CYTH3: variants seen among roughly 807,000 people sequenced by gnomAD.
CYTH3 encodes the protein cytohesin-3.
A neutral mutation model predicts 55.1 loss-of-function variants in CYTH3; 23 were observed. The ratio of observed to expected loss-of-function variants is 0.42; its 90% CI spans 0.30 to 0.59. The LOEUF is 0.59. Among genes scored for constraint, CYTH3 ranks in the 20% least tolerant of loss-of-function variants. CYTH3 has a pLI of 0.20. For missense variants in CYTH3, 413 were observed against 524.8 expected, an observed-to-expected ratio of 0.79 and a Z score of 2.08; for synonymous variants, 249 against 194.9, an observed-to-expected ratio of 1.28 and a Z score of -2.31.
At chr7:6,168,594 C>G (rs2128536588) in intron 9 of CYTH3, among the ~76,000 whole-genome samples, 1 of 152,332 alleles carries the variant, frequency 6.6e-6, no homozygotes, top group Admixed American at 6.5e-5. Flanking sequence ...GGCCGCCCAC[C>G]ACACTGAGGC....
At chr7:6,216,861 GAA>G (rs71549612) in intron 1 of CYTH3, among the ~76,000 whole-genome samples, 29 of 95,618 alleles carry the variant, frequency 3.0e-4, no homozygotes, top group African/African-American at 7.1e-4. Context: ...AGCTGAACAG[GAA>G]AAAAAAAAAA....
intron 1 of CYTH3, among the ~76,000 whole-genome samples, chr7:6,266,103 C>T (rs914803858): frequency 6.6e-6 from 1 of 152,110 alleles, no homozygotes. Context: ...ACCACCCTAA[C>T]CCACCAAGCC....
intron 1 of CYTH3, among the ~76,000 whole-genome samples, chr7:6,201,979 A>C (rs1784067778): frequency 6.6e-6 from 1 of 152,242 alleles, no homozygotes; most frequent in Non-Finnish European, 1.5e-5. Context: ...CAGGAAAAAA[A>C]ATCCAAATAT....
intron 1 of CYTH3, among the ~76,000 whole-genome samples, chr7:6,197,607 C>G (rs575676280): frequency 6.6e-6 from 1 of 152,156 alleles, no homozygotes; most frequent in East Asian, 1.9e-4. Context: ...TGCTTGAACC[C>G]AAGAGGGGGA....
rs980664459 is a variant in CYTH3 at position 6,187,180 on chromosome 7, C to T, written c.183-64G>A. ...TTTCACAATGCAGCCCAGTCACGGC[C>T]CTCCAGTGTACTTTCCCCCGCAACA... On this transcript the variant is annotated intron_variant, in intron 3 of 12. Transcript: ENST00000350796. 14 of 1,529,452 alleles carry T rather than the reference C, an allele frequency of 9.2e-6. No individual in the cohort carries two copies. The African/African-American group carries it at 1.8e-4, about 19-fold the overall frequency. The allele number at this position is 1,529,452 out of a possible 1,614,324, so 94.7% of individuals were successfully genotyped here. A position where few individuals can be genotyped will look rare whatever the true frequency, so the allele number is the denominator to read the frequency against.
rs1265655054 is a variant in CYTH3 at position 6,229,579 on chromosome 7, G to A, written c.35-39048C>T. 4.0e-5 allele frequency among the ~76,000 whole-genome samples: 6 copies of A among 151,734 alleles called. No individual in the cohort carries two copies. The East Asian group carries it at 1.2e-3, about 29-fold the overall frequency. On this transcript the variant is annotated intron_variant, in intron 1 of 12. Transcript: ENST00000350796. ...AATCCCAGCACTTTGGGAGGCCAAG[G>A]TGGGTGGATCACCTGAGGTCAGGAG...
At chr7:6,229,932 C>T (rs886067822) in intron 1 of CYTH3, among the ~76,000 whole-genome samples, 6 of 151,980 alleles carry the variant, frequency 3.9e-5, no homozygotes, top group Admixed American at 1.3e-4. Flanking sequence ...GTCTGGAGTT[C>T]GAGACCAGCC....
In CYTH3 at chr7:6,187,054, T is replaced by C. The variant is rs61753121; in HGVS notation, c.245A>G (p.Lys82Arg). 1.2e-3 allele frequency: 1,990 copies of C among 1,614,096 alleles called. 8 individuals carry two copies. The highest frequency in any genetic ancestry group is 6.8e-3 in the Middle Eastern group (41 of 6,062). Residue 82 changes from lysine (K) to arginine (R), a missense_variant, in exon 4 of 13, where the codon AAA (lysine) becomes AGA (arginine). This residue lies in a region of CYTH3 where 152 missense variants were observed against 148.1 expected (regional missense o/e 1.03). Transcript: ENST00000350796. ...AAAGGGAGAGCATTCTCTTACCTTT[T>C]TGGGATCCATGTTGAATTTCTTTCT... Reference protein sequence around the residue: ...MGRKKFNMDPKKGIQFLIEND... With the variant: ...MGRKKFNMDPRKGIQFLIEND...
At chr7:6,192,607 C>T (rs140352475) in intron 1 of CYTH3, among the ~76,000 whole-genome samples, 3,902 of 147,738 alleles carry the variant, frequency 0.026, 223 homozygotes, top group Admixed American at 0.15. Context: ...TCTCAGCTCA[C>T]TGCAACCTCC....
chr7:6,193,070 G>A (rs746967171), intron 1 of CYTH3, among the ~76,000 whole-genome samples: 299 of 152,118 alleles, frequency 2.0e-3, no homozygotes, highest in Non-Finnish European at 3.5e-3. Context: ...TACTGGGGAG[G>A]CTGAGGCAGG....
intron 4 of CYTH3, among the ~76,000 whole-genome samples, chr7:6,186,610 C>A (rs764711247): frequency 5.9e-5 from 9 of 152,152 alleles, no homozygotes; most frequent in Non-Finnish European, 1.3e-4. Context: ...TTATGTGAAC[C>A]ACTTAACCCA....
intron 1 of CYTH3, among the ~76,000 whole-genome samples, chr7:6,207,892 A>G (rs1469905943): frequency 1.4e-5 from 2 of 142,184 alleles, no homozygotes; most frequent in African/African-American, 2.6e-5. Context: ...GGAGGTTGCA[A>G]TGAGCCGAGA....
Position 6,171,042 on chromosome 7 carries a change from C to A in CYTH3, c.563-64G>T, listed in dbSNP as rs1387168446. 1.9e-6 allele frequency: 3 copies of A among 1,599,546 alleles called. No homozygotes were observed. Among genetic ancestry groups the A allele is most frequent in the Non-Finnish European group, 2.6e-6 (3 of 1,171,598 alleles). On this transcript the variant is annotated intron_variant, in intron 7 of 12. Transcript: ENST00000350796. This position sits in a 1 kb window ranked among gnomAD's most constrained non-coding sequence, Gnocchi z 6.7. ...CCAGTGGACAGTGGGACCCCGCGTG[C>A]TGGGGGCCCGCCTGCAAGAGGTGCC... is the stretch of plus-strand genomic sequence containing the variant.
Position 6,259,772 on chromosome 7 carries a change from T to TATAAAATA in CYTH3, c.34+12701_34+12702insTATTTTAT, listed in dbSNP as rs1491219669. ...TATATATATATTATATATATATATATTATATATATATAATATATATATATA... is the reference window on the plus strand; with the variant it reads ...TATATATATATTATATATATATATATATAAAATATATATATATATAATATATATATATA... On this transcript the variant is annotated intron_variant, in intron 1 of 12. Coordinates refer to ENST00000350796, the MANE Select transcript of CYTH3 (RefSeq NM_004227.4). Among the ~76,000 whole-genome samples the TATAAAATA allele has an allele frequency of 1.6e-4, 5 of 30,496 alleles. 1 individual carries two copies. The highest frequency in any genetic ancestry group is 1.0e-3 in the South Asian group (1 of 980). The allele number at this position is 30,496 out of a possible 152,430, so 20.0% of individuals were successfully genotyped here.
At chr7:6,259,788 T>TATATATATATATA (rs1780270365) in intron 1 of CYTH3, among the ~76,000 whole-genome samples, 1 of 15,104 alleles carries the variant, frequency 6.6e-5, no homozygotes, top group Non-Finnish European at 8.7e-5. Flanking sequence ...ATATATAATA[T>TATATATATATATA]ATATATATAT....
rs78530073 is a variant in CYTH3, at chr7:6,227,285, G to T, written c.35-36754C>A. 3.3e-3 allele frequency among the ~76,000 whole-genome samples: 495 copies of T among 152,180 alleles called. 7 individuals carry two copies. Among genetic ancestry groups the T allele is most frequent in the African/African-American group, 0.011 (455 of 41,510 alleles). On this transcript the variant is annotated intron_variant, in intron 1 of 12. Coordinates refer to ENST00000350796, the MANE Select transcript of CYTH3 (RefSeq NM_004227.4). Reference sequence around the variant, plus strand: ...AGAAAAACACATGCAGAAGATGGTTGTAAAGTTAGCATTTTGAAGGAATTT... The same window carrying T: ...AGAAAAACACATGCAGAAGATGGTTTTAAAGTTAGCATTTTGAAGGAATTT...
rs1783142755 is a variant in CYTH3, at chr7:6,170,412, G to A, written c.823+123C>T. 5.5e-6 allele frequency: 5 copies of A among 904,422 alleles called. No homozygotes were observed. The highest frequency in any genetic ancestry group is 5.2e-5 in the South Asian group (3 of 57,604). The allele number at this position is 904,422 out of a possible 1,614,324, so 56.0% of individuals were successfully genotyped here. A position where few individuals can be genotyped will look rare whatever the true frequency, so the allele number is the denominator to read the frequency against. On this transcript the variant is annotated intron_variant, in intron 9 of 12. Coordinates refer to ENST00000350796, the MANE Select transcript of CYTH3 (RefSeq NM_004227.4). This position sits in a 1 kb window ranked among gnomAD's most constrained non-coding sequence, Gnocchi z 7.8. ...CGAGAGCGGGCTCTGGCTTAACCGC[G>A]TTTCTTTTTAACGTCTCTGCCTGCG... is the stretch of plus-strand genomic sequence containing the variant.
intron 1 of CYTH3, among the ~76,000 whole-genome samples, chr7:6,259,166 T>A (rs765767444): frequency 6.6e-6 from 1 of 152,234 alleles, no homozygotes; most frequent in Non-Finnish European, 1.5e-5. Context: ...TGTCTGCACA[T>A]TGCCAAACAT....
At chr7:6,234,223 G>A (rs954651071) in intron 1 of CYTH3, among the ~76,000 whole-genome samples, 4 of 152,192 alleles carry the variant, frequency 2.6e-5, no homozygotes, top group African/African-American at 4.8e-5. Context: ...AGAGGCCACT[G>A]GAGATCCCTG....
Sources: gnomAD v4.1 joint callset for allele counts (sites outside exome capture counted in the v4.1 genomes callset) on GRCh38, gnomAD v4.1.1 for gene constraint, gnomAD v4.1.1 regional missense constraint, Gnocchi (gnomAD v3.1) non-coding constraint, MANE v1.5 for transcripts, NCBI Gene and HGNC (gene_info 2026-07-23, HGNC 2026-07-21) for gene names.